MAP3K9: variants seen among roughly 807,000 people sequenced by gnomAD.
MAP3K9 encodes the protein mixed lineage kinase 1 (tyr and ser/thr specificity).
Under a neutral mutation model 95.8 loss-of-function variants are expected in MAP3K9, and 46 were observed. The observed-to-expected ratio is 0.48, with a 90% CI of 0.38 to 0.61. The LOEUF (loss-of-function observed/expected upper bound fraction) is 0.61, where lower values mean the gene tolerates loss of function less well. Ranked by LOEUF, MAP3K9 falls within the 20% of genes least tolerant of loss-of-function variation. MAP3K9 has a pLI of 0.00. For missense variants in MAP3K9, 1,296 were observed against 1,474.3 expected (o/e 0.88, Z 1.98); for synonymous variants, 533 against 593.8 (o/e 0.90, Z 1.49).
chr14:70,743,417 T>G (rs749178499), intron 5 of MAP3K9, among the ~76,000 whole-genome samples: 1 of 151,922 alleles, frequency 6.6e-6, no homozygotes, highest in Admixed American at 6.6e-5. Flanking sequence ...TCAGAGTGAA[T>G]AGGCAACCTA....
intron 2 of MAP3K9, among the ~76,000 whole-genome samples, chr14:70,766,087 T>A (rs1024751668): frequency 2.0e-5 from 3 of 151,856 alleles, no homozygotes; most frequent in African/African-American, 7.3e-5. Context: ...CCTTTCAGGT[T>A]TGGGTGACAA....
chr14:70,759,888 G>A (rs998849400), intron 3 of MAP3K9, among the ~76,000 whole-genome samples: 1 of 152,080 alleles, frequency 6.6e-6, no homozygotes, highest in Non-Finnish European at 1.5e-5. Context: ...CCACGTAGCT[G>A]GGACTACAGG....
rs79214519 is a variant in MAP3K9, at chr14:70,741,594, T to G, written c.1567+757A>C. ...TACAACAAATGCATGTTTATTCAAC[T>G]GATGTGTGTGTCTGAAAGGTCACAT... is the stretch of plus-strand genomic sequence containing the variant. On this transcript the variant is annotated intron_variant, in intron 6 of 11. Coordinates refer to ENST00000554752, the MANE Select transcript of MAP3K9 (RefSeq NM_001284230.2). Among the ~76,000 whole-genome samples the G allele has an allele frequency of 1.9e-3, 289 of 152,366 alleles. 1 individual carries two copies. Among genetic ancestry groups the G allele is most frequent in the African/African-American group, 6.5e-3 (272 of 41,572 alleles).
intron 1 of MAP3K9, among the ~76,000 whole-genome samples, chr14:70,807,378 T>A (rs2055001309): frequency 6.6e-6 from 1 of 152,116 alleles, no homozygotes; most frequent in East Asian, 1.9e-4. Flanking sequence ...TAATCCCAGC[T>A]ACTCAGGAGG....
At chr14:70,742,939 G>T in intron 5 of MAP3K9, among the ~76,000 whole-genome samples, 1 of 141,154 alleles carries the variant, frequency 7.1e-6, no homozygotes, top group African/African-American at 2.6e-5. Context: ...ATATATATAG[G>T]TTTGAATAGA....
At chr14:70,757,750 A>G (rs1007094756) in intron 3 of MAP3K9, among the ~76,000 whole-genome samples, 5 of 152,344 alleles carry the variant, frequency 3.3e-5, no homozygotes, top group Middle Eastern at 3.4e-3. Context: ...ATAAACCTTT[A>G]TATTTCTGGT....
At chr14:70,754,907 G>C (rs1048370205) in intron 3 of MAP3K9, among the ~76,000 whole-genome samples, 1 of 152,264 alleles carries the variant, frequency 6.6e-6, no homozygotes, top group Middle Eastern at 3.4e-3. Flanking sequence ...CAAAGAAAGG[G>C]AACAATTTCA....
At chr14:70,746,297 G>A (rs1482586910) in intron 5 of MAP3K9, among the ~76,000 whole-genome samples, 3 of 152,184 alleles carry the variant, frequency 2.0e-5, no homozygotes, top group Non-Finnish European at 4.4e-5. Flanking sequence ...TGAGGAATTA[G>A]CTGAATCATA....
In MAP3K9 at chr14:70,774,983, C is replaced by CA. The variant is rs60144338; in HGVS notation, c.821-13802dup. Among the ~76,000 whole-genome samples the CA allele has an allele frequency of 5.6e-3, 307 of 55,112 alleles. 5 individuals carry two copies. Among genetic ancestry groups the CA allele is most frequent in the Middle Eastern group, 0.024 (1 of 42 alleles). The allele number at this position is 55,112 out of a possible 152,430, so 36.2% of individuals were successfully genotyped here. On this transcript the variant is annotated intron_variant, in intron 2 of 11. Transcript: ENST00000554752. ...TGGAGACAGAGTGAGACTCTGTCCC[C>CA]AAAAAAAAAAAAAAAAAAAAAAAAA...
At chr14:70,743,512 GAAAA>G (rs201887598) in intron 5 of MAP3K9, among the ~76,000 whole-genome samples, 1 of 141,842 alleles carries the variant, frequency 7.1e-6, no homozygotes, top group Non-Finnish European at 1.5e-5. Context: ...AAATTTACAA[GAAAA>G]AAAAAAACCC....
chr14:70,762,244 G>A (rs1308984463), intron 2 of MAP3K9, among the ~76,000 whole-genome samples: 1 of 152,132 alleles, frequency 6.6e-6, no homozygotes, highest in Admixed American at 6.5e-5. Flanking sequence ...GTCATTTGGG[G>A]GGTACAGATC....
chr14:70,777,230 C>T (rs2139817316), intron 2 of MAP3K9, among the ~76,000 whole-genome samples: 1 of 152,186 alleles, frequency 6.6e-6, no homozygotes, highest in East Asian at 1.9e-4. Context: ...CCAGTTCCTG[C>T]CCCCATCCAT....
chr14:70,757,456 GAAA>G (rs35189989), intron 3 of MAP3K9, among the ~76,000 whole-genome samples: 16 of 114,042 alleles, frequency 1.4e-4, no homozygotes, highest in Middle Eastern at 4.3e-3. Flanking sequence ...GACCCTGTCC[GAAA>G]AAAAAAAAAA....
intron 2 of MAP3K9, among the ~76,000 whole-genome samples, chr14:70,781,755 G>A (rs528896732): frequency 6.6e-6 from 1 of 152,256 alleles, no homozygotes; most frequent in South Asian, 2.1e-4. Flanking sequence ...ATGGGCTCAG[G>A]GTCGAGGACT....
chr14:70,809,155 G>C lies in MAP3K9; in HGVS notation c.17C>G (p.Ala6Gly). MEPSRALLGCLASAAA... is the reference protein window; with the variant it reads MEPSRGLLGCLASAAA... ...GGCGCTCGCTAGGCAGCCGAGAAGC[G>C]CTCTGGAGGGCTCCATGGAGCGGCC... The change falls in exon 1 of 12, where the codon GCG (alanine) becomes GGG (glycine). Residue 6 changes from alanine to glycine, a missense_variant. Transcript: ENST00000554752. The C allele has an allele frequency of 7.3e-7, 1 of 1,361,122 alleles. No individual in the cohort carries two copies. Among genetic ancestry groups the C allele is most frequent in the Non-Finnish European group, 9.4e-7 (1 of 1,064,922 alleles). The allele number at this position is 1,361,122 out of a possible 1,614,324, so 84.3% of individuals were successfully genotyped here.
intron 2 of MAP3K9, among the ~76,000 whole-genome samples, chr14:70,791,385 A>C (rs1026090886): frequency 3.3e-5 from 5 of 152,178 alleles, no homozygotes; most frequent in Admixed American, 2.6e-4. Context: ...TTGCTGCCCC[A>C]CTGAGTAAGC....
chr14:70,786,714 G>C (rs954702965), intron 2 of MAP3K9, among the ~76,000 whole-genome samples: 1 of 152,162 alleles, frequency 6.6e-6, no homozygotes, highest in Non-Finnish European at 1.5e-5. Context: ...ATGAGCATCA[G>C]GATGACCTTA....
At chr14:70,796,594 T>C (rs956477129) in intron 2 of MAP3K9, among the ~76,000 whole-genome samples, 1 of 152,066 alleles carries the variant, frequency 6.6e-6, no homozygotes, top group Non-Finnish European at 1.5e-5. Context: ...CTCCAGCGAG[T>C]GATGGCCAGG....
chr14:70,772,242 C>T (rs1460928151), intron 2 of MAP3K9, among the ~76,000 whole-genome samples: 1 of 152,228 alleles, frequency 6.6e-6, no homozygotes, highest in African/African-American at 2.4e-5. Flanking sequence ...AACAAGGACT[C>T]AGGCACAGCA....
Sources: gnomAD v4.1 joint callset for allele counts (sites outside exome capture counted in the v4.1 genomes callset) on GRCh38, gnomAD v4.1.1 for gene constraint, MANE v1.5 for transcripts, NCBI Gene and HGNC (gene_info 2026-07-23, HGNC 2026-07-21) for gene names.